IL17RD: variants seen among roughly 807,000 people sequenced by gnomAD.
The protein encoded by IL17RD is interleukin 17 receptor D.
A neutral mutation model predicts 80.5 loss-of-function variants in IL17RD; 52 were observed. The ratio of observed to expected loss-of-function variants is 0.65; its 90% confidence interval spans 0.52 to 0.81. The LOEUF is 0.81. Ranked by LOEUF, IL17RD falls within the 40% of genes least tolerant of loss-of-function variation. The pLI is 0.00. For missense variants in IL17RD, 1,024 were observed against 955.1 expected (o/e 1.07, Z -0.95); for synonymous variants, 416 against 391.8 (o/e 1.06, Z -0.73).
At chr3:57,105,552 A>AAATATATATAT in intron 7 of IL17RD, among the ~76,000 whole-genome samples, 18 of 63,588 alleles carry the variant, frequency 2.8e-4, no homozygotes, top group African/African-American at 1.7e-3. Context: ...AAAAAAAAAA[A>AAATATATATAT]ATATATATAT....
intron 4 of IL17RD, 118 bp from the exon 5 acceptor site, chr3:57,109,775 T>C (rs1707052288): frequency 4.9e-6 from 5 of 1,027,092 alleles, no homozygotes; most frequent in Non-Finnish European, 7.1e-6. Flanking sequence ...CTGCAGGACA[T>C]GTTCCAGGGA....
chr3:57,135,868 A>G (rs760224170), intron 1 of IL17RD, among the ~76,000 whole-genome samples: 1 of 146,396 alleles, frequency 6.8e-6, no homozygotes, highest in African/African-American at 2.6e-5. Flanking sequence ...GGCTGTGTAC[A>G]TGGAAAAGGC....
chr3:57,105,537 A>AG (rs1706935821), intron 7 of IL17RD, among the ~76,000 whole-genome samples: 1 of 56,484 alleles, frequency 1.8e-5, no homozygotes, highest in Non-Finnish European at 3.5e-5. Flanking sequence ...ACTCCATCTC[A>AG]AAAAAAAAAA....
At chr3:57,169,010 T>G (rs531387607), upstream of IL17RD, among the ~76,000 whole-genome samples, 1 of 152,344 alleles carries the variant, frequency 6.6e-6, no homozygotes, top group East Asian at 1.9e-4. Flanking sequence ...GAGCCGCCGC[T>G]CCCAGTCTCC....
At chr3:57,109,166 T>A (rs534989400) in intron 5 of IL17RD, among the ~76,000 whole-genome samples, 2 of 152,294 alleles carry the variant, frequency 1.3e-5, no homozygotes, top group East Asian at 3.9e-4. Flanking sequence ...TGTTTCCCCC[T>A]GAGATGGAAT....
At chr3:57,167,907 T>C (rs895500249), upstream of IL17RD, among the ~76,000 whole-genome samples, 1 of 152,202 alleles carries the variant, frequency 6.6e-6, no homozygotes. Flanking sequence ...CTTGGCTCAC[T>C]GCAACCTCCG....
intron 1 of IL17RD, among the ~76,000 whole-genome samples, chr3:57,130,792 C>T (rs1011287028): frequency 6.6e-6 from 1 of 152,204 alleles, no homozygotes; most frequent in African/African-American, 2.4e-5. Context: ...TTTCTGAATG[C>T]CTTTGAGTGT....
At chr3:57,137,835 C>T (rs1313472769) in intron 1 of IL17RD, among the ~76,000 whole-genome samples, 2 of 152,176 alleles carry the variant, frequency 1.3e-5, no homozygotes, top group Admixed American at 6.5e-5. Flanking sequence ...CCTGTCTGTA[C>T]TCAGAGTAAA....
At chr3:57,116,035 G>C (rs1707207977) in intron 2 of IL17RD, among the ~76,000 whole-genome samples, 1 of 152,054 alleles carries the variant, frequency 6.6e-6, no homozygotes, top group African/African-American at 2.4e-5. Flanking sequence ...ACCACACAGA[G>C]GTGCAATGAA....
chr3:57,105,920 A>G lies in IL17RD; in HGVS notation c.684T>C (p.Arg228=). The change falls in exon 7 of 13, where the codon CGT becomes CGC. Residue 228 remains arginine, a synonymous_variant. Transcript: ENST00000296318. ...FDHAPHNFGF[R]FFYLHYKLKH... is the part of the protein sequence containing the mutation. ...TGAGCTTGTAGTGAAGATAGAAGAAACGGAAGCCGAAGTTGTGCGGTGCAT... is the reference window on the plus strand; with the variant it reads ...TGAGCTTGTAGTGAAGATAGAAGAAGCGGAAGCCGAAGTTGTGCGGTGCAT... The G allele has an allele frequency of 6.2e-7, 1 of 1,613,864 alleles. No homozygotes were observed. The highest frequency in any genetic ancestry group is 8.5e-7 in the Non-Finnish European group (1 of 1,179,854).
At chr3:57,105,552 A>AAAAAAAAAAAAAAAAAAAAAAAAAAAAAT in intron 7 of IL17RD, among the ~76,000 whole-genome samples, 1 of 63,590 alleles carries the variant, frequency 1.6e-5, no homozygotes, top group Non-Finnish European at 2.8e-5. Flanking sequence ...AAAAAAAAAA[A>AAAAAAAAAAAAAAAAAAAAAAAAAAAAAT]ATATATATAT....
Position 57,096,631 on chromosome 3 carries a change from C to T in IL17RD, c.2108-126G>A, listed in dbSNP as rs73836408. On this transcript the variant is annotated intron_variant, in intron 12 of 12. Transcript: ENST00000296318. ...GGCTCTGTATAAACGAGGCAAGAAT[C>T]CCAACCAACTCAAGATGGGGCACTC... 7,041 of 698,502 alleles carry T rather than the reference C, an allele frequency of 0.01. 343 individuals carry two copies. The African/African-American group carries it at 0.11, about 11-fold the overall frequency. The allele number at this position is 698,502 out of a possible 1,614,324, so 43.3% of individuals were successfully genotyped here.
At chr3:57,110,940 C>A (rs1360881251) in intron 3 of IL17RD, among the ~76,000 whole-genome samples, 2 of 152,218 alleles carry the variant, frequency 1.3e-5, no homozygotes, top group Non-Finnish European at 2.9e-5. Flanking sequence ...GCCTCCGAGG[C>A]CCCGAGACAC....
chr3:57,160,781 G>GT (rs1429659972), intron 1 of IL17RD, among the ~76,000 whole-genome samples: 1 of 152,172 alleles, frequency 6.6e-6, no homozygotes, highest in Non-Finnish European at 1.5e-5. Flanking sequence ...TCTCATCCTG[G>GT]TTACAGCATG....
chr3:57,110,031 G>T (rs1559470473), intron 4 of IL17RD, among the ~76,000 whole-genome samples, 162 bp downstream of exon 4: 1 of 151,698 alleles, frequency 6.6e-6, no homozygotes, highest in Non-Finnish European at 1.5e-5. Flanking sequence ...TTCCCTGGGA[G>T]CGTGGAGCAG....
At chr3:57,138,642 G>A (rs180780350) in intron 1 of IL17RD, among the ~76,000 whole-genome samples, 1 of 151,992 alleles carries the variant, frequency 6.6e-6, no homozygotes, top group Non-Finnish European at 1.5e-5. Context: ...AGGCAATAAC[G>A]AGAATACTGG....
Position 57,146,045 on chromosome 3 carries a change from G to GCACA in IL17RD, c.126+19112_126+19115dup, listed in dbSNP as rs1553627648. ...CACACACACTCACGCGCGCGCGCGCGCACACACACACACACTGATGCATGC... is the reference window on the plus strand; with the variant it reads ...CACACACACTCACGCGCGCGCGCGCGCACACACACACACACACACTGATGCATGC... On this transcript the variant is annotated intron_variant, in intron 1 of 12. Coordinates refer to ENST00000296318, the MANE Select transcript of IL17RD (RefSeq NM_017563.5). 4.2e-3 allele frequency among the ~76,000 whole-genome samples: 641 copies of GCACA among 151,232 alleles called. 5 individuals are homozygous for GCACA. The highest frequency in any genetic ancestry group is 0.02 in the South Asian group (97 of 4,776).
chr3:57,125,067 C>T (rs2107504690), intron 1 of IL17RD, among the ~76,000 whole-genome samples: 1 of 152,304 alleles, frequency 6.6e-6, no homozygotes, highest in East Asian at 1.9e-4. Context: ...ACCAGCTTTC[C>T]AGCTGTGTGA....
At chr3:57,105,535 T>C (rs1343887588) in intron 7 of IL17RD, among the ~76,000 whole-genome samples, 1 of 5,488 alleles carries the variant, frequency 1.8e-4, no homozygotes, top group Non-Finnish European at 5.4e-4. Flanking sequence ...AGACTCCATC[T>C]CAAAAAAAAA....
Sources: allele counts gnomAD v4.1 joint callset (sites outside exome capture counted in the v4.1 genomes callset), GRCh38; gene constraint gnomAD v4.1.1; transcripts MANE v1.5; gene names NCBI Gene and HGNC (gene_info 2026-07-23, HGNC 2026-07-21).